The following ELMO1 variants were observed in gnomAD, a reference collection of about 807,000 sequenced individuals.
The protein encoded by ELMO1 is engulfment and cell motility protein 1.
ELMO1 carries 26 observed loss-of-function variants against 98.9 expected under a neutral mutation model. The observed-to-expected ratio is 0.26, with a 90% CI of 0.19 to 0.36. The LOEUF (loss-of-function observed/expected upper bound fraction) is 0.36. ELMO1 is among the 10% of genes least tolerant of loss of function. The probability of loss-of-function intolerance (pLI) is 1.00; values close to 1 mark genes in which losing one functional copy is unlikely to be tolerated. For synonymous variants in ELMO1, 346 were observed against 346.0 expected, an observed-to-expected ratio of 1.00 and a Z score of 0.00; for missense variants, 627 against 935.2, an observed-to-expected ratio of 0.67 and a Z score of 4.30.
intron 14 of ELMO1, among the ~76,000 whole-genome samples, chr7:37,097,220 T>A (rs1361062325): frequency 6.6e-6 from 1 of 152,112 alleles, no homozygotes; most frequent in Non-Finnish European, 1.5e-5. Context: ...CCAATCACAG[T>A]CCTTCCCTGA....
In ELMO1 at chr7:37,416,458, C is replaced by T. The variant is rs138035045; in HGVS notation, c.-74+32217G>A. Among the ~76,000 whole-genome samples, 214 of 152,272 alleles carry T rather than the reference C, an allele frequency of 1.4e-3. 1 individual carries two copies. Among genetic ancestry groups the T allele is most frequent in the African/African-American group, 5.1e-3 (210 of 41,552 alleles). ...AATGCCACTATCAGAACTTACTGAA[C>T]CCCAGAAAGGACCTATGGCCACCTC... On this transcript the variant is annotated intron_variant, in intron 1 of 21. Transcript: ENST00000310758.
At chr7:37,158,682 A>G (rs1042981070) in intron 13 of ELMO1, among the ~76,000 whole-genome samples, 16 of 152,348 alleles carry the variant, frequency 1.1e-4, no homozygotes, top group Admixed American at 3.3e-4. Flanking sequence ...GTGGAGAAAT[A>G]GGAACACTTT....
At chr7:37,203,195 C>T (rs745650240) in intron 13 of ELMO1, among the ~76,000 whole-genome samples, 6 of 152,136 alleles carry the variant, frequency 3.9e-5, no homozygotes, top group Non-Finnish European at 8.8e-5. Context: ...TCCTCCTAGA[C>T]CACAAAGAGG....
rs745498856 is a variant in ELMO1 at position 36,868,345 on chromosome 7, CTTCT to C, written c.1905+2044_1905+2047del. Among the ~76,000 whole-genome samples the C allele has an allele frequency of 8.1e-4, 80 of 98,512 alleles. No individual in the cohort carries two copies. In the East Asian group the frequency reaches 0.014, roughly 17 times the overall value. The allele number at this position is 98,512 out of a possible 152,430, so 64.6% of individuals were successfully genotyped here. On this transcript the variant is annotated intron_variant, in intron 20 of 21. Transcript: ENST00000310758. ...TGTTCTGCTTCTTCTTCTTCTTCTTCTTCTTTTTTTTTTTTTTGAGACAGAGTTT... is the reference window on the plus strand; with the variant it reads ...TGTTCTGCTTCTTCTTCTTCTTCTTCTTTTTTTTTTTTTGAGACAGAGTTT...
chr7:37,019,561 C>T (rs1442384184), intron 15 of ELMO1, among the ~76,000 whole-genome samples: 1 of 152,038 alleles, frequency 6.6e-6, no homozygotes, highest in Non-Finnish European at 1.5e-5. Context: ...CAGAGATAGC[C>T]TAAGTCTAAG....
intron 1 of ELMO1, among the ~76,000 whole-genome samples, chr7:37,390,684 G>A (rs1181458367): frequency 6.6e-6 from 1 of 152,140 alleles, no homozygotes; most frequent in Non-Finnish European, 1.5e-5. Flanking sequence ...AGTTCATATA[G>A]GGCTTATGGG....
At chr7:37,023,377 G>T (rs1483494468) in intron 15 of ELMO1, among the ~76,000 whole-genome samples, 1 of 152,132 alleles carries the variant, frequency 6.6e-6, no homozygotes, top group Non-Finnish European at 1.5e-5. Context: ...TGATTTCAGT[G>T]GGCTTTTCAG....
At chr7:37,425,205 G>A (rs1044108391) in intron 1 of ELMO1, among the ~76,000 whole-genome samples, 6 of 152,176 alleles carry the variant, frequency 3.9e-5, no homozygotes, top group African/African-American at 1.4e-4. Context: ...AGCAGGGTTG[G>A]GTTCTGGTGA....
chr7:36,860,966 GC>G (rs1241415295), intron 21 of ELMO1, among the ~76,000 whole-genome samples: 2 of 152,140 alleles, frequency 1.3e-5, no homozygotes, highest in Admixed American at 6.6e-5. Context: ...CCTTTCTAAA[GC>G]TGTTTATGCA....
chr7:37,168,564 C>T (rs1175868658), intron 13 of ELMO1, among the ~76,000 whole-genome samples: 1 of 152,066 alleles, frequency 6.6e-6, no homozygotes, highest in East Asian at 1.9e-4. Context: ...CAGACAGGAC[C>T]CTCAGTTGCA....
chr7:37,045,561 T>C (rs1359893094), intron 15 of ELMO1, among the ~76,000 whole-genome samples: 1 of 152,204 alleles, frequency 6.6e-6, no homozygotes, highest in Non-Finnish European at 1.5e-5. Flanking sequence ...CAGCAGCAAC[T>C]TCTCTTTCCT....
chr7:36,869,604 T>C (rs980255829), intron 20 of ELMO1, among the ~76,000 whole-genome samples: 1 of 152,230 alleles, frequency 6.6e-6, no homozygotes, highest in Non-Finnish European at 1.5e-5. Context: ...GATACTTTTG[T>C]TCATGAATGG....
intron 1 of ELMO1, among the ~76,000 whole-genome samples, chr7:37,425,426 T>C (rs976184668): frequency 6.6e-6 from 1 of 152,156 alleles, no homozygotes; most frequent in Non-Finnish European, 1.5e-5. Context: ...GGCGTGGGGG[T>C]GTGGGCACAA....
At chr7:36,965,465 G>A (rs1789340123) in intron 16 of ELMO1, among the ~76,000 whole-genome samples, 1 of 152,186 alleles carries the variant, frequency 6.6e-6, no homozygotes, top group Non-Finnish European at 1.5e-5. Context: ...AGAGAGGGAG[G>A]CACTGGAGAA....
chr7:37,304,454 G>A (rs112431035), intron 4 of ELMO1, among the ~76,000 whole-genome samples: 4 of 152,316 alleles, frequency 2.6e-5, no homozygotes, highest in African/African-American at 9.6e-5. Flanking sequence ...GGCGGCTCAC[G>A]CCTGTAATCC....
intron 16 of ELMO1, among the ~76,000 whole-genome samples, chr7:36,917,237 T>C (rs1784773466): frequency 6.6e-6 from 1 of 152,222 alleles, no homozygotes; most frequent in Non-Finnish European, 1.5e-5. Context: ...AACTACCTTA[T>C]TCACAAAAAC....
chr7:37,207,860 C>A (rs1221875651), intron 13 of ELMO1, among the ~76,000 whole-genome samples: 1 of 152,042 alleles, frequency 6.6e-6, no homozygotes, highest in Non-Finnish European at 1.5e-5. Flanking sequence ...AACAAACAAA[C>A]AAAAAACGAG....
At chr7:37,437,445 T>C (rs1414367606) in intron 1 of ELMO1, among the ~76,000 whole-genome samples, 5 of 152,256 alleles carry the variant, frequency 3.3e-5, no homozygotes, top group Non-Finnish European at 7.3e-5. Flanking sequence ...CAGTCAATCA[T>C]AACTCATCCC....
At chr7:37,262,005 G>A (rs1362629456) in intron 5 of ELMO1, among the ~76,000 whole-genome samples, 2 of 152,084 alleles carry the variant, frequency 1.3e-5, no homozygotes, top group Non-Finnish European at 2.9e-5. Context: ...TTTAAAAGCT[G>A]TGCACCTTTA....
Sources: allele counts gnomAD v4.1 joint callset (sites outside exome capture counted in the v4.1 genomes callset), GRCh38; gene constraint gnomAD v4.1.1; transcripts MANE v1.5; gene names NCBI Gene and HGNC (gene_info 2026-07-23, HGNC 2026-07-21).